The following NRG3 variants were observed in gnomAD, a reference collection of about 807,000 sequenced individuals.
NRG3 encodes pro-neuregulin-3, membrane-bound isoform.
A neutral mutation model predicts 66.9 loss-of-function variants in NRG3; 31 were observed. That is an observed-to-expected ratio of 0.46 (90% CI 0.35 to 0.63). The LOEUF is 0.63. NRG3 is among the 20% of genes least tolerant of loss of function. The probability of loss-of-function intolerance (pLI) is 0.00; values close to 1 mark genes in which losing one functional copy is unlikely to be tolerated. For synonymous variants in NRG3, 393 were observed against 359.4 expected (o/e 1.09, Z -1.06); for missense variants, 910 against 878.9 (o/e 1.04, Z -0.45).
chr10:82,188,324 G>C (rs1376825390), intron 1 of NRG3, among the ~76,000 whole-genome samples: 2 of 152,096 alleles, frequency 1.3e-5, no homozygotes, highest in Non-Finnish European at 2.9e-5. Flanking sequence ...GGATTAAAAA[G>C]TTAAACCTAA....
At chr10:81,993,526 T>C (rs1453783328) in intron 1 of NRG3, among the ~76,000 whole-genome samples, 1 of 152,014 alleles carries the variant, frequency 6.6e-6, no homozygotes, top group South Asian at 2.1e-4. Context: ...TAATTTTTTT[T>C]TGTAGAGATG....
At chr10:82,102,548 C>A (rs1425661514) in intron 1 of NRG3, among the ~76,000 whole-genome samples, 2 of 150,746 alleles carry the variant, frequency 1.3e-5, no homozygotes, top group African/African-American at 4.9e-5. Flanking sequence ...CACTTTCCTG[C>A]TTTTTGGGGG....
intron 1 of NRG3, among the ~76,000 whole-genome samples, chr10:81,944,013 C>T (rs1341462073): frequency 6.6e-6 from 1 of 152,160 alleles, no homozygotes; most frequent in East Asian, 1.9e-4. Flanking sequence ...TGCTCCAGTA[C>T]TGAGAGCCAT....
intron 2 of NRG3, among the ~76,000 whole-genome samples, chr10:82,419,053 A>G (rs149029073): frequency 1.3e-5 from 2 of 152,174 alleles, no homozygotes; most frequent in East Asian, 1.9e-4. Context: ...CATTAAACTT[A>G]ACCCTACAGG....
intron 1 of NRG3, among the ~76,000 whole-genome samples, chr10:82,139,146 GT>G (rs958096650): frequency 1.3e-5 from 2 of 152,116 alleles, no homozygotes; most frequent in African/African-American, 4.8e-5. Flanking sequence ...AAGTCTGGGT[GT>G]TTTCTGCTTG....
At chr10:82,580,689 T>C (rs1271553706) in intron 2 of NRG3, among the ~76,000 whole-genome samples, 1 of 152,046 alleles carries the variant, frequency 6.6e-6, no homozygotes, top group African/African-American at 2.4e-5. Context: ...CTTAATGATA[T>C]GCATTTAGGA....
At chr10:82,083,644 G>C (rs1170245413) in intron 1 of NRG3, among the ~76,000 whole-genome samples, 1 of 148,498 alleles carries the variant, frequency 6.7e-6, no homozygotes, top group Non-Finnish European at 1.5e-5. Context: ...GTCCAGGCTG[G>C]AGTCCAATGG....
intron 1 of NRG3, among the ~76,000 whole-genome samples, chr10:82,142,941 T>G (rs1175390371): frequency 1.6e-5 from 2 of 121,624 alleles, no homozygotes; most frequent in Non-Finnish European, 3.7e-5. Flanking sequence ...TTTTTTTTTT[T>G]GGTTTCTGGT....
chr10:82,323,041 G>T (rs1314639731), intron 1 of NRG3, among the ~76,000 whole-genome samples: 1 of 152,114 alleles, frequency 6.6e-6, no homozygotes, highest in African/African-American at 2.4e-5. Context: ...AAGGAGAAAA[G>T]GTACCATTTC....
chr10:82,342,786 A>G (rs1589780332), intron 1 of NRG3, among the ~76,000 whole-genome samples: 1 of 145,696 alleles, frequency 6.9e-6, no homozygotes, highest in African/African-American at 2.8e-5. Context: ...TCTCACTTAT[A>G]TATTTTTGTT....
rs903759530 is a variant in NRG3, at chr10:82,613,838, T to TC, written c.954-124733dup. Among the ~76,000 whole-genome samples, 4 of 73,916 alleles carry TC rather than the reference T, an allele frequency of 5.4e-5. No individual in the cohort carries two copies. In the Admixed American group the frequency reaches 6.4e-4, roughly 12 times the overall value. The allele number at this position is 73,916 out of a possible 152,430, so 48.5% of individuals were successfully genotyped here. A position where few individuals can be genotyped will look rare whatever the true frequency, so the allele number is the denominator to read the frequency against. On this transcript the variant is annotated intron_variant, in intron 2 of 8. Coordinates refer to ENST00000372141, the MANE Select transcript of NRG3 (RefSeq NM_001010848.4). ...ATCTCCTAATGCTATCCCTCCCCCC[T>TC]CCCCCCACCCCACAACAGTCCCCAG...
At chr10:82,243,111 A>T (rs993422562) in intron 1 of NRG3, among the ~76,000 whole-genome samples, 3 of 152,306 alleles carry the variant, frequency 2.0e-5, no homozygotes, top group Middle Eastern at 3.4e-3. Context: ...GAGCTTCACA[A>T]ATTTCCTTCA....
At chr10:82,403,108 G>T (rs184372333) in intron 2 of NRG3, among the ~76,000 whole-genome samples, 2 of 152,082 alleles carry the variant, frequency 1.3e-5, no homozygotes, top group African/African-American at 4.8e-5. Context: ...TCTGAAACAC[G>T]TGAAGACACA....
intron 3 of NRG3, among the ~76,000 whole-genome samples, chr10:82,747,557 T>G (rs1270005087): frequency 1.3e-5 from 2 of 152,102 alleles, no homozygotes; most frequent in Non-Finnish European, 2.9e-5. Context: ...CCACTAATAT[T>G]TTATATTGTA....
chr10:82,552,385 C>G (rs1160204096), intron 2 of NRG3, among the ~76,000 whole-genome samples: 1 of 152,018 alleles, frequency 6.6e-6, no homozygotes, highest in Non-Finnish European at 1.5e-5. Context: ...TTATTTGATG[C>G]ATTTTAATAC....
At chr10:82,841,465 A>G (rs752865974) in intron 3 of NRG3, among the ~76,000 whole-genome samples, 8 of 152,224 alleles carry the variant, frequency 5.3e-5, no homozygotes, top group Non-Finnish European at 1.0e-4. Context: ...ATATAATCAT[A>G]TCCTATATGA....
chr10:82,851,308 G>A (rs1201236634), intron 3 of NRG3, among the ~76,000 whole-genome samples: 1 of 152,120 alleles, frequency 6.6e-6, no homozygotes, highest in Non-Finnish European at 1.5e-5. Context: ...GCTCTTGGAG[G>A]ACACGGAGCT....
chr10:82,482,509 G>A (rs1356418661), intron 2 of NRG3, among the ~76,000 whole-genome samples: 3 of 152,122 alleles, frequency 2.0e-5, no homozygotes, highest in Admixed American at 6.5e-5. Context: ...CTTGGAGTAC[G>A]GGGACTTGGG....
At chr10:82,866,581 T>C (rs1189669354) in intron 4 of NRG3, among the ~76,000 whole-genome samples, 1 of 152,194 alleles carries the variant, frequency 6.6e-6, no homozygotes, top group African/African-American at 2.4e-5. Context: ...CTTGCGGTTT[T>C]GTTGGATAGA....
Sources: gnomAD v4.1 joint callset for allele counts (sites outside exome capture counted in the v4.1 genomes callset) on GRCh38, gnomAD v4.1.1 for gene constraint, MANE v1.5 for transcripts, NCBI Gene and HGNC (gene_info 2026-07-23, HGNC 2026-07-21) for gene names.